METTL24: variants seen among roughly 807,000 people sequenced by gnomAD.
METTL24 encodes the protein probable methyltransferase-like protein 24.
A neutral mutation model predicts 32.7 loss-of-function variants in METTL24; 29 were observed. That is an observed-to-expected ratio of 0.89 (90% CI 0.66 to 1.21). The LOEUF (loss-of-function observed/expected upper bound fraction) is 1.21, where lower values mean the gene tolerates loss of function less well. Among genes scored for constraint, METTL24 ranks in the 50% most tolerant of loss-of-function variants. The pLI is 0.00. For synonymous variants in METTL24, 163 were observed against 179.5 expected, an observed-to-expected ratio of 0.91 and a Z score of 0.73; for missense variants, 439 against 468.1, an observed-to-expected ratio of 0.94 and a Z score of 0.57.
rs1227639332 is a variant in METTL24 at position 110,302,275 on chromosome 6, C to CA, written c.558-3126dup. Reference sequence around the variant, plus strand: ...CCTGGGTGACAGAGTGAGACTCCATCAAAAAAAAAAAGAGAACATTATGTC... The same window carrying CA: ...CCTGGGTGACAGAGTGAGACTCCATCAAAAAAAAAAAAGAGAACATTATGTC... On this transcript the variant is annotated intron_variant, in intron 3 of 4. Coordinates refer to ENST00000338882, the MANE Select transcript of METTL24 (RefSeq NM_001123364.3). Among the ~76,000 whole-genome samples the CA allele has an allele frequency of 4.2e-3, 565 of 133,402 alleles. 3 individuals are homozygous for CA. Among genetic ancestry groups the CA allele is most frequent in the African/African-American group, 0.013 (463 of 36,314 alleles). The allele number at this position is 133,402 out of a possible 152,430, so 87.5% of individuals were successfully genotyped here.
At chr6:110,352,258 A>G (rs1582449094) in intron 1 of METTL24, among the ~76,000 whole-genome samples, 1 of 152,352 alleles carries the variant, frequency 6.6e-6, no homozygotes, top group East Asian at 1.9e-4. Context: ...TTTTAGGAAA[A>G]TAATTGCTAA....
At chr6:110,336,056 A>C (rs76459423) in intron 1 of METTL24, among the ~76,000 whole-genome samples, 5,415 of 152,370 alleles carry the variant, frequency 0.036, 324 homozygotes, top group African/African-American at 0.12. Context: ...AACAGGTAAG[A>C]AATCCATGAA....
chr6:110,313,557 G>A (rs932320109), intron 3 of METTL24, among the ~76,000 whole-genome samples: 1 of 152,096 alleles, frequency 6.6e-6, no homozygotes, highest in Non-Finnish European at 1.5e-5. Context: ...TTATCCCAGG[G>A]CGTAAAATAT....
intron 4 of METTL24, among the ~76,000 whole-genome samples, chr6:110,272,816 A>AT (rs542887471): frequency 6.0e-5 from 9 of 150,028 alleles, no homozygotes; most frequent in South Asian, 4.2e-4. Context: ...GTTTGATGGG[A>AT]TTTTTTTTTC....
At chr6:110,321,842 G>A (rs536970376) in intron 2 of METTL24, among the ~76,000 whole-genome samples, 6 of 152,264 alleles carry the variant, frequency 3.9e-5, no homozygotes, top group Admixed American at 2.6e-4. Flanking sequence ...TCTCTCCTAC[G>A]GAGGAAAAGC....
chr6:110,260,732 A>G (rs909127559), intron 4 of METTL24, among the ~76,000 whole-genome samples: 1 of 152,226 alleles, frequency 6.6e-6, no homozygotes, highest in African/African-American at 2.4e-5. Context: ...TGGATTACCC[A>G]CAAAAGGGAA....
At position 110,245,030 on chromosome 6, in the gene METTL24, T is replaced by G. The variant is rs1265609004; in HGVS notation, c.*916A>C. On this transcript the variant is annotated 3_prime_UTR_variant, in exon 5 of 5. Coordinates refer to ENST00000338882, the MANE Select transcript of METTL24 (RefSeq NM_001123364.3). ...CTATCTATTTATCTACCTACCTACC[T>G]ACAATGGTTAATTTTATGTGTCAAC... is the stretch of plus-strand genomic sequence containing the variant. 6.7e-6 allele frequency among the ~76,000 whole-genome samples: 1 copy of G among 149,716 alleles called. No homozygotes were observed. Among genetic ancestry groups the G allele is most frequent in the Non-Finnish European group, 1.5e-5 (1 of 67,500 alleles).
intron 4 of METTL24, among the ~76,000 whole-genome samples, chr6:110,283,592 T>C (rs1269933096): frequency 6.6e-6 from 1 of 152,140 alleles, no homozygotes; most frequent in Non-Finnish European, 1.5e-5. Context: ...GGACTAGGCA[T>C]CAGAAATATG....
intron 4 of METTL24, among the ~76,000 whole-genome samples, chr6:110,285,105 C>T (rs909379461): frequency 1.3e-5 from 2 of 152,224 alleles, no homozygotes; most frequent in South Asian, 2.1e-4. Flanking sequence ...AGGCTTGTCA[C>T]ATGGGTGGTT....
chr6:110,250,710 C>A (rs1778261458), intron 4 of METTL24, among the ~76,000 whole-genome samples: 1 of 152,180 alleles, frequency 6.6e-6, no homozygotes, highest in South Asian at 2.1e-4. Context: ...ATGGATAAGT[C>A]CTTACATCAG....
At chr6:110,263,082 C>T (rs578119662) in intron 4 of METTL24, among the ~76,000 whole-genome samples, 146 of 152,288 alleles carry the variant, frequency 9.6e-4, no homozygotes, top group African/African-American at 3.1e-3. Context: ...CCCTCTCTCA[C>T]CACTCCTATT....
In METTL24 at chr6:110,244,254, G is replaced by A. The variant is rs889513903; in HGVS notation, c.*1692C>T. Among the ~76,000 whole-genome samples the A allele has an allele frequency of 6.6e-6, 1 of 152,180 alleles. No homozygotes were observed. The highest frequency in any genetic ancestry group is 1.5e-5 in the Non-Finnish European group (1 of 68,030). Reference sequence around the variant, plus strand: ...GGCAAGTCTGTGGGTGGTAAATCATGTTTGAAGGCAGAAGAGGCAACAGCA... The same window carrying A: ...GGCAAGTCTGTGGGTGGTAAATCATATTTGAAGGCAGAAGAGGCAACAGCA... On this transcript the variant is annotated 3_prime_UTR_variant, in exon 5 of 5. Transcript: ENST00000338882.
intron 4 of METTL24, among the ~76,000 whole-genome samples, chr6:110,288,246 C>A (rs1000025499): frequency 2.0e-5 from 3 of 152,126 alleles, no homozygotes; most frequent in Non-Finnish European, 4.4e-5. Context: ...TGGTACACAC[C>A]TTGTTACTCA....
At chr6:110,277,098 T>TA (rs1034335137) in intron 4 of METTL24, among the ~76,000 whole-genome samples, 18 of 152,134 alleles carry the variant, frequency 1.2e-4, no homozygotes, top group East Asian at 1.9e-4. Context: ...CATTAGCTTT[T>TA]AAAAAAAATC....
intron 4 of METTL24, among the ~76,000 whole-genome samples, chr6:110,294,658 T>A (rs2114727883): frequency 6.6e-6 from 1 of 152,254 alleles, no homozygotes; most frequent in South Asian, 2.1e-4. Context: ...ACTGCTCTTA[T>A]AAGCTATACA....
In METTL24 at chr6:110,267,624, C is replaced by A. The variant is rs543093203; in HGVS notation, c.787-21364G>T. ...TATCTTGTATCTACTGATAATGACA[C>A]AACTAATAGCTAACTTTAAGCATTT... On this transcript the variant is annotated intron_variant, in intron 4 of 4. Coordinates refer to ENST00000338882, the MANE Select transcript of METTL24 (RefSeq NM_001123364.3). 2.8e-5 allele frequency among the ~76,000 whole-genome samples: 4 copies of A among 141,884 alleles called. No individual in the cohort carries two copies. In the East Asian group the frequency reaches 7.7e-4, roughly 27 times the overall value. The allele number at this position is 141,884 out of a possible 152,430, so 93.1% of individuals were successfully genotyped here.
At position 110,358,108 on chromosome 6, in the gene METTL24, C is replaced by T. The variant is rs1174483924; in HGVS notation, c.165G>A (p.Gly55=). 5.8e-6 allele frequency: 6 copies of T among 1,026,854 alleles called. No individual in the cohort carries two copies. The highest frequency in any genetic ancestry group is 7.0e-6 in the Non-Finnish European group (6 of 858,404). The allele number at this position is 1,026,854 out of a possible 1,614,324, so 63.6% of individuals were successfully genotyped here. ...GGCCCGGCGCGGGCGGCAGGTGCGG[C>T]CCAGGTGGCCGCCAGGCCGGGCCCG... ...APPGPAWRPP[G]PHLPPAPGQP... The change falls in exon 1 of 5, where the codon GGG becomes GGA. Residue 55 remains glycine, a synonymous_variant. Coordinates refer to ENST00000338882, the MANE Select transcript of METTL24 (RefSeq NM_001123364.3).
At chr6:110,267,147 T>C (rs569094120) in intron 4 of METTL24, among the ~76,000 whole-genome samples, 2 of 152,346 alleles carry the variant, frequency 1.3e-5, no homozygotes, top group East Asian at 1.9e-4. Flanking sequence ...AGCTTGAGTT[T>C]CACTAAATTT....
At chr6:110,272,046 C>T (rs1007395808) in intron 4 of METTL24, among the ~76,000 whole-genome samples, 4 of 151,918 alleles carry the variant, frequency 2.6e-5, no homozygotes, top group African/African-American at 4.8e-5. Flanking sequence ...TTTGGTTACA[C>T]GGATAAGTTC....
Sources: gnomAD v4.1 joint callset for allele counts (sites outside exome capture counted in the v4.1 genomes callset) on GRCh38, gnomAD v4.1.1 for gene constraint, MANE v1.5 for transcripts, NCBI Gene and HGNC (gene_info 2026-07-23, HGNC 2026-07-21) for gene names.